Variants in XKR6 observed in about 807,000 individuals in gnomAD.
The protein encoded by XKR6 is XK related 6, also known as XK-related protein 6.
A neutral mutation model predicts 56.7 loss-of-function variants in XKR6; 22 were observed. The observed-to-expected ratio is 0.39, with a 90% CI of 0.28 to 0.55. The LOEUF (loss-of-function observed/expected upper bound fraction) is 0.55, where lower values mean the gene tolerates loss of function less well. XKR6 is among the 20% of genes least tolerant of loss of function. The pLI, the probability that XKR6 is intolerant of heterozygous loss-of-function variation, is 0.66. For missense variants in XKR6, 852 were observed against 889.0 expected, an observed-to-expected ratio of 0.96 and a Z score of 0.53; for synonymous variants, 524 against 387.8, an observed-to-expected ratio of 1.35 and a Z score of -4.13.
At chr8:11,115,142 G>A (rs1056522978) in intron 1 of XKR6, among the ~76,000 whole-genome samples, 1 of 152,190 alleles carries the variant, frequency 6.6e-6, no homozygotes, top group Non-Finnish European at 1.5e-5. Context: ...TGCAGGATTT[G>A]AAACAAAATC....
intron 1 of XKR6, chr8:11,108,645 C>A (rs746454564): frequency 3.4e-6 from 1 of 294,840 alleles, no homozygotes; most frequent in Non-Finnish European, 6.5e-6. Context: ...GAAGCTCTTG[C>A]CATGTGGCTC....
intron 1 of XKR6, among the ~76,000 whole-genome samples, chr8:10,995,492 A>T (rs1418519667): frequency 6.8e-6 from 1 of 147,718 alleles, no homozygotes; most frequent in Non-Finnish European, 1.5e-5. Flanking sequence ...TATCATATAT[A>T]TATATATACA....
At chr8:11,123,956 A>T (rs1276965086) in intron 1 of XKR6, 1 of 456,112 alleles carries the variant, frequency 2.2e-6, no homozygotes, top group Non-Finnish European at 4.4e-6. Flanking sequence ...GATCGGCTCC[A>T]GTGCTACCTG....
At chr8:10,921,115 A>G (rs959989247) in intron 2 of XKR6, among the ~76,000 whole-genome samples, 2 of 152,238 alleles carry the variant, frequency 1.3e-5, no homozygotes, top group Non-Finnish European at 2.9e-5. Flanking sequence ...CCCTGGCCCC[A>G]GTGGGCTCCC....
At chr8:11,168,528 C>T (rs1802200258) in intron 1 of XKR6, among the ~76,000 whole-genome samples, 1 of 152,222 alleles carries the variant, frequency 6.6e-6, no homozygotes, top group African/African-American at 2.4e-5. Context: ...ATTTGTACAA[C>T]ACATAAACCA....
chr8:10,909,251 G>A (rs1042561745), intron 2 of XKR6, among the ~76,000 whole-genome samples: 1 of 151,936 alleles, frequency 6.6e-6, no homozygotes, highest in South Asian at 2.1e-4. Context: ...CAGCAAAGAG[G>A]CTCTCACCAG....
intron 1 of XKR6, among the ~76,000 whole-genome samples, chr8:10,939,167 T>C (rs937789599): frequency 6.6e-6 from 1 of 152,050 alleles, no homozygotes; most frequent in African/African-American, 2.4e-5. Context: ...CACAAGCAAG[T>C]ATGAGGGCTT....
At chr8:11,113,286 G>C (rs759921882) in intron 1 of XKR6, among the ~76,000 whole-genome samples, 80 of 152,090 alleles carry the variant, frequency 5.3e-4, no homozygotes, top group Non-Finnish European at 1.0e-3. Flanking sequence ...TTTTAGGAGA[G>C]TTAAACATAG....
intron 2 of XKR6, among the ~76,000 whole-genome samples, chr8:10,921,036 A>G (rs7823296): frequency 0.55 from 83,218 of 152,186 alleles, 24,640 homozygotes; most frequent in African/African-American, 0.73. Flanking sequence ...ACACTGGGTC[A>G]CTCCCAGCTC....
chr8:10,924,770 G>C lies in XKR6; in HGVS notation c.825C>G (p.Arg275=). The C allele has an allele frequency of 6.2e-7, 1 of 1,614,096 alleles. No individual in the cohort carries two copies. Residue 275 remains arginine, a synonymous_variant, in exon 2 of 3, where the codon CGC becomes CGG. Coordinates refer to ENST00000416569, the MANE Select transcript of XKR6 (RefSeq NM_173683.4). ...ATTCATACATCATAGCCCAGTAGAAGCGTCGCTGGTGTTCCTTCCGCCGCT... is the reference window on the plus strand; with the variant it reads ...ATTCATACATCATAGCCCAGTAGAACCGTCGCTGGTGTTCCTTCCGCCGCT... ...QSQRRKEHQR[R]FYWAMMYEYA...
At chr8:11,059,268 C>T (rs1291353833) in intron 1 of XKR6, among the ~76,000 whole-genome samples, 1 of 152,000 alleles carries the variant, frequency 6.6e-6, no homozygotes, top group East Asian at 1.9e-4. Flanking sequence ...CCAGCGCGGT[C>T]CTGGCGCCTC....
At chr8:11,102,121 A>C (rs1798506819) in intron 1 of XKR6, among the ~76,000 whole-genome samples, 1 of 152,174 alleles carries the variant, frequency 6.6e-6, no homozygotes, top group African/African-American at 2.4e-5. Flanking sequence ...TTCTTCCTTA[A>C]GACAAACCTG....
At chr8:11,037,789 C>T (rs144768447) in intron 1 of XKR6, among the ~76,000 whole-genome samples, 246 of 150,628 alleles carry the variant, frequency 1.6e-3, no homozygotes, top group African/African-American at 5.9e-3. Context: ...ACCCAGAAGG[C>T]AGAGCTTGCA....
chr8:11,128,680 C>A, intron 1 of XKR6: 1 of 378,530 alleles, frequency 2.6e-6, no homozygotes, highest in South Asian at 2.0e-5. Context: ...ATGAAATTAC[C>A]CTGATGTTGT....
At chr8:10,957,002 G>A (rs1801909684) in intron 1 of XKR6, among the ~76,000 whole-genome samples, 2 of 152,112 alleles carry the variant, frequency 1.3e-5, no homozygotes, top group African/African-American at 2.4e-5. Context: ...CCAGGCTTGA[G>A]TGCAGTGGTG....
intron 2 of XKR6, among the ~76,000 whole-genome samples, chr8:10,915,591 T>C (rs1333261148): frequency 1.3e-5 from 2 of 152,156 alleles, no homozygotes; most frequent in African/African-American, 4.8e-5. Flanking sequence ...CAAAATGGCA[T>C]GCAGGTTCAA....
At chr8:11,145,042 A>AGGGGGGG (rs1800911001) in intron 1 of XKR6, among the ~76,000 whole-genome samples, 1 of 128,912 alleles carries the variant, frequency 7.8e-6, no homozygotes. Context: ...GGAGAGAAAG[A>AGGGGGGG]AGGGAGGGAG....
intron 1 of XKR6, among the ~76,000 whole-genome samples, chr8:11,171,434 G>A (rs1244746614): frequency 6.6e-6 from 1 of 152,186 alleles, no homozygotes; most frequent in East Asian, 1.9e-4. Context: ...ATCTCATGTT[G>A]AAATTTCATC....
At position 10,909,648 on chromosome 8, in the gene XKR6, C is replaced by T. The variant is rs117799456; in HGVS notation, c.962-10732G>A. Among the ~76,000 whole-genome samples the T allele has an allele frequency of 1.0e-3, 157 of 152,240 alleles. 1 individual carries two copies. The East Asian group carries it at 0.018, about 17-fold the overall frequency. On this transcript the variant is annotated intron_variant, in intron 2 of 2. Coordinates refer to ENST00000416569, the MANE Select transcript of XKR6 (RefSeq NM_173683.4). ...AGGGATCATAATCCCCATTGCTAGC[C>T]GCCATGATCTCCCACAATGCTCTCC... is the stretch of plus-strand genomic sequence containing the variant.
Sources: gnomAD v4.1 joint callset for allele counts (sites outside exome capture counted in the v4.1 genomes callset) on GRCh38, gnomAD v4.1.1 for gene constraint, MANE v1.5 for transcripts, NCBI Gene and HGNC (gene_info 2026-07-23, HGNC 2026-07-21) for gene names.